The following HOMER1 variants were observed in gnomAD, a reference collection of about 807,000 sequenced individuals.
HOMER1 encodes the protein homer protein homolog 1.
In HOMER1, 3 loss-of-function variants were observed where a neutral mutation model predicts 48.9. The ratio of observed to expected loss-of-function variants is 0.06; its 90% confidence interval spans 0.03 to 0.16. The LOEUF (loss-of-function observed/expected upper bound fraction) is 0.16. HOMER1 is among the 10% of genes least tolerant of loss of function. The pLI, the probability that HOMER1 is intolerant of heterozygous loss-of-function variation, is 1.00. For missense variants in HOMER1, 247 were observed against 411.4 expected, an observed-to-expected ratio of 0.60 and a Z score of 3.46; for synonymous variants, 134 against 146.4, an observed-to-expected ratio of 0.92 and a Z score of 0.61.
At chr5:79,494,885 C>A (rs1434086240) in intron 1 of HOMER1, among the ~76,000 whole-genome samples, 5 of 152,204 alleles carry the variant, frequency 3.3e-5, no homozygotes, top group Non-Finnish European at 5.9e-5. Flanking sequence ...AAGTCCAAAA[C>A]TTCCTCCATA....
chr5:79,442,893 A>T (rs1750774451), intron 4 of HOMER1, among the ~76,000 whole-genome samples: 1 of 152,218 alleles, frequency 6.6e-6, no homozygotes, highest in African/African-American at 2.4e-5. Context: ...CATTTTTCCT[A>T]TAGTTAGTCA....
At chr5:79,503,064 G>A (rs1460409792) in intron 1 of HOMER1, among the ~76,000 whole-genome samples, 1 of 152,094 alleles carries the variant, frequency 6.6e-6, no homozygotes, top group South Asian at 2.1e-4. Flanking sequence ...TGGGATTACA[G>A]GCGTGAGCCA....
At chr5:79,408,308 C>G (rs539668602) in intron 5 of HOMER1, among the ~76,000 whole-genome samples, 1 of 152,236 alleles carries the variant, frequency 6.6e-6, no homozygotes, top group Non-Finnish European at 1.5e-5. Flanking sequence ...GGAAAAATAT[C>G]TTTCAAAATG....
At chr5:79,407,653 G>GA (rs1749701068) in intron 5 of HOMER1, among the ~76,000 whole-genome samples, 1 of 151,636 alleles carries the variant, frequency 6.6e-6, no homozygotes, top group Non-Finnish European at 1.5e-5. Flanking sequence ...AACACAAAGA[G>GA]AAAAAAGAAA....
intron 1 of HOMER1, among the ~76,000 whole-genome samples, chr5:79,494,796 G>A (rs1385473376): frequency 6.6e-6 from 1 of 152,228 alleles, no homozygotes; most frequent in Non-Finnish European, 1.5e-5. Flanking sequence ...TTGAACCCAG[G>A]AGAAGGAGGT....
chr5:79,501,248 G>C (rs1286149441), intron 1 of HOMER1, among the ~76,000 whole-genome samples: 2 of 152,188 alleles, frequency 1.3e-5, no homozygotes, highest in Non-Finnish European at 2.9e-5. Context: ...TGGGATTACA[G>C]GCGTGAGCCA....
At chr5:79,503,078 C>A (rs539798912) in intron 1 of HOMER1, among the ~76,000 whole-genome samples, 3 of 152,120 alleles carry the variant, frequency 2.0e-5, no homozygotes, top group Non-Finnish European at 4.4e-5. Context: ...TGAGCCACTG[C>A]GCCCAGCCTG....
chr5:79,407,992 C>G (rs78164041), intron 5 of HOMER1, among the ~76,000 whole-genome samples: 1 of 152,130 alleles, frequency 6.6e-6, no homozygotes, highest in East Asian at 1.9e-4. Flanking sequence ...ACTTTTATTA[C>G]AGTATATTCC....
chr5:79,456,068 T>A (rs1751168543), intron 2 of HOMER1, among the ~76,000 whole-genome samples: 1 of 147,034 alleles, frequency 6.8e-6, no homozygotes, highest in Admixed American at 6.9e-5. Flanking sequence ...GGCAAGAAAA[T>A]CACTTGAACC....
intron 1 of HOMER1, among the ~76,000 whole-genome samples, chr5:79,506,035 T>C (rs1385989552): frequency 6.6e-6 from 1 of 152,094 alleles, no homozygotes; most frequent in Non-Finnish European, 1.5e-5. Context: ...CTGAAATGTT[T>C]AGCAGACAAA....
At chr5:79,392,988 A>AGAGAGAGAGG (rs56107183) in intron 8 of HOMER1, among the ~76,000 whole-genome samples, 2 of 134,670 alleles carry the variant, frequency 1.5e-5, no homozygotes, top group Non-Finnish European at 3.3e-5. Context: ...AGAGAGAGAG[A>AGAGAGAGAGG]AGAGAGCCAT....
chr5:79,443,182 T>A (rs1750785356), intron 4 of HOMER1, among the ~76,000 whole-genome samples: 1 of 152,246 alleles, frequency 6.6e-6, no homozygotes, highest in African/African-American at 2.4e-5. Flanking sequence ...TGTAAACTAC[T>A]GATTTTGAAT....
At chr5:79,488,849 T>G (rs915183312) in intron 1 of HOMER1, among the ~76,000 whole-genome samples, 7 of 152,204 alleles carry the variant, frequency 4.6e-5, no homozygotes, top group Non-Finnish European at 8.8e-5. Flanking sequence ...TTAAGTGACC[T>G]ATTCAAGATC....
At chr5:79,472,910 T>C (rs979585428) in intron 1 of HOMER1, among the ~76,000 whole-genome samples, 1 of 152,224 alleles carries the variant, frequency 6.6e-6, no homozygotes, top group Non-Finnish European at 1.5e-5. Flanking sequence ...AACTTCCAAC[T>C]GATCCAAGTT....
intron 5 of HOMER1, among the ~76,000 whole-genome samples, chr5:79,436,469 G>C (rs577090282): frequency 6.6e-6 from 1 of 152,130 alleles, no homozygotes; most frequent in Non-Finnish European, 1.5e-5. Flanking sequence ...TGTGACTTAC[G>C]CAACTCACCT....
At chr5:79,451,186 C>T (rs1751016891) in intron 2 of HOMER1, 65 bp from the exon 3 acceptor site, 3 of 1,531,868 alleles carry the variant, frequency 2.0e-6, no homozygotes, top group Non-Finnish European at 2.7e-6. Context: ...AAATACAAGA[C>T]CATTCAGTTA....
chr5:79,488,519 C>A (rs183188956), intron 1 of HOMER1, among the ~76,000 whole-genome samples: 89 of 152,256 alleles, frequency 5.8e-4, no homozygotes, highest in Admixed American at 2.3e-3. Context: ...TTCTTAAGAG[C>A]CCCAAATCAA....
At chr5:79,502,176 C>T (rs1050781589) in intron 1 of HOMER1, among the ~76,000 whole-genome samples, 4 of 151,984 alleles carry the variant, frequency 2.6e-5, no homozygotes, top group East Asian at 3.9e-4. Context: ...CACACCACCA[C>T]GCCCAGATAA....
intron 8 of HOMER1, among the ~76,000 whole-genome samples, chr5:79,376,639 G>C (rs989559650): frequency 1.3e-5 from 2 of 152,172 alleles, no homozygotes. Flanking sequence ...TCTAGAGAAA[G>C]ATTTAGACAA....
Sources: allele counts gnomAD v4.1 joint callset (sites outside exome capture counted in the v4.1 genomes callset), GRCh38; gene constraint gnomAD v4.1.1; transcripts MANE v1.5; gene names NCBI Gene and HGNC (gene_info 2026-07-23, HGNC 2026-07-21).